UNC13B: variants seen among roughly 807,000 people sequenced by gnomAD.
UNC13B encodes the protein unc-13 homolog B.
In UNC13B, 144 loss-of-function variants were observed where a neutral mutation model predicts 211.0. The ratio of observed to expected loss-of-function variants is 0.68; its 90% CI spans 0.60 to 0.78. UNC13B has a LOEUF of 0.78. Ranked by LOEUF, UNC13B falls within the 30% of genes least tolerant of loss-of-function variation. The pLI, the probability that UNC13B is intolerant of heterozygous loss-of-function variation, is 0.00. For missense variants in UNC13B, 1,777 were observed against 2,002.0 expected (o/e 0.89, Z 2.14); for synonymous variants, 709 against 725.8 (o/e 0.98, Z 0.37).
intron 6 of UNC13B, among the ~76,000 whole-genome samples, chr9:35,245,888 A>G (rs903165841): frequency 2.0e-5 from 3 of 152,166 alleles, no homozygotes; most frequent in African/African-American, 7.2e-5. Flanking sequence ...GCTGAGTCAG[A>G]TGGTATTTCT....
rs759416101 is a variant in UNC13B at position 35,386,233 on chromosome 9, C to T, written c.11034C>T (p.Asn3678=). The T allele has an allele frequency of 1.2e-6, 2 of 1,614,208 alleles. No homozygotes were observed. The highest frequency in any genetic ancestry group is 2.2e-5 in the East Asian group (1 of 44,886). ...VVKDCVKACL[N]STYEYIFNNC... ...AGGATTGTGTGAAGGCCTGTTTGAA[C>T]TCCACATATGAATATATCTTCAACA... The change falls in exon 24 of 40, where the codon AAC becomes AAT. Residue 3678 remains asparagine (N), a synonymous_variant. Transcript: ENST00000635942.
intron 11 of UNC13B, among the ~76,000 whole-genome samples, chr9:35,314,418 C>T (rs1036192063): frequency 6.6e-6 from 1 of 152,096 alleles, no homozygotes; most frequent in Non-Finnish European, 1.5e-5. Context: ...AAAGTATCAG[C>T]ACACTAAGAT....
In UNC13B at chr9:35,222,565, G is replaced by C. The variant is rs530011967; in HGVS notation, c.23-5450G>C. Among the ~76,000 whole-genome samples, 5 of 152,220 alleles carry C rather than the reference G, an allele frequency of 3.3e-5. No homozygotes were observed. In the East Asian group the frequency reaches 5.8e-4, roughly 18 times the overall value. On this transcript the variant is annotated intron_variant, in intron 1 of 39. Transcript: ENST00000635942. ...ATACCATCTTTTGGGGGCCAGATGGGAAGGCCATTTTTTGGATACATAATA... is the reference window on the plus strand; with the variant it reads ...ATACCATCTTTTGGGGGCCAGATGGCAAGGCCATTTTTTGGATACATAATA...
chr9:35,330,565 G>C (rs1831314085), intron 11 of UNC13B, among the ~76,000 whole-genome samples: 1 of 152,210 alleles, frequency 6.6e-6, no homozygotes, highest in Non-Finnish European at 1.5e-5. Context: ...GACCACCAAA[G>C]AAGAGGAAGA....
At chr9:35,381,046 A>G (rs1834794741) in intron 18 of UNC13B, 54 bp from the exon 19 acceptor site, 10 of 1,549,362 alleles carry the variant, frequency 6.5e-6, no homozygotes, top group Middle Eastern at 1.7e-4. Context: ...GAATGGAACT[A>G]TCTATGCTGT....
intron 7 of UNC13B, among the ~76,000 whole-genome samples, chr9:35,276,305 C>CA (rs35634253): frequency 0.32 from 26,782 of 83,704 alleles, 3,175 homozygotes; most frequent in Non-Finnish European, 0.37. Context: ...GAGCCTGTCT[C>CA]AAAAAAAAAA....
rs1476804189 is a variant in UNC13B, at chr9:35,303,328, T to C, written c.3924T>C (p.Ala1308=). The C allele has an allele frequency of 5.0e-6, 2 of 398,562 alleles. No individual in the cohort carries two copies. The highest frequency in any genetic ancestry group is 4.4e-6 in the Non-Finnish European group (1 of 225,824). 24.7% of individuals were successfully genotyped at this position (398,562 alleles called of 1,614,324 possible). A position where few individuals can be genotyped will look rare whatever the true frequency, so the allele number is the denominator to read the frequency against. Residue 1308 remains alanine (A), a synonymous_variant, in exon 9 of 40, where the codon GCT becomes GCC. Coordinates refer to ENST00000635942, the MANE Select transcript of UNC13B (RefSeq NM_001371189.2). ...AQLGFLEKSM[A]KRQMPNHVLE... ...TAGGTTTTTTGGAGAAATCTATGGCTAAGAGGCAAATGCCAAACCATGTTC... is the reference window on the plus strand; with the variant it reads ...TAGGTTTTTTGGAGAAATCTATGGCCAAGAGGCAAATGCCAAACCATGTTC...
intron 1 of UNC13B, among the ~76,000 whole-genome samples, chr9:35,217,398 T>G (rs1332473880): frequency 7.0e-6 from 1 of 143,154 alleles, no homozygotes; most frequent in African/African-American, 2.8e-5. Context: ...TTTTTTTTGT[T>G]TTTTTTTTTT....
intron 29 of UNC13B, 24 bp downstream of exon 29, chr9:35,397,334 CT>C: frequency 6.2e-7 from 1 of 1,610,616 alleles, no homozygotes; most frequent in Non-Finnish European, 8.5e-7. Flanking sequence ...TTCCTACTCC[CT>C]CCCCCTTACC....
chr9:35,391,207 C>G (rs1186110392), intron 26 of UNC13B, among the ~76,000 whole-genome samples: 1 of 152,188 alleles, frequency 6.6e-6, no homozygotes, highest in Non-Finnish European at 1.5e-5. Flanking sequence ...AGAGCAGGGC[C>G]ACAGGCAAAT....
intron 11 of UNC13B, chr9:35,353,949 A>T: frequency 2.1e-6 from 1 of 470,422 alleles, no homozygotes; most frequent in Non-Finnish European, 3.4e-6. Flanking sequence ...AAATTACTCA[A>T]GTAGAGAGCT....
chr9:35,326,889 G>A (rs762534686), intron 11 of UNC13B, among the ~76,000 whole-genome samples: 35 of 152,184 alleles, frequency 2.3e-4, no homozygotes, highest in Admixed American at 5.2e-4. Flanking sequence ...CAAATCCTCC[G>A]CTCATTTTTA....
At chr9:35,335,248 A>G (rs186723726) in intron 11 of UNC13B, among the ~76,000 whole-genome samples, 1 of 152,334 alleles carries the variant, frequency 6.6e-6, no homozygotes, top group East Asian at 1.9e-4. Context: ...TGGCCAAGAA[A>G]TAAAATAACA....
At chr9:35,290,331 C>T (rs981529920) in intron 7 of UNC13B, among the ~76,000 whole-genome samples, 2 of 151,616 alleles carry the variant, frequency 1.3e-5, no homozygotes, top group African/African-American at 2.4e-5. Flanking sequence ...CATTTAGGAG[C>T]TCATATGTCT....
At chr9:35,344,796 T>G (rs1389451349) in intron 11 of UNC13B, among the ~76,000 whole-genome samples, 1 of 152,138 alleles carries the variant, frequency 6.6e-6, no homozygotes, top group Non-Finnish European at 1.5e-5. Context: ...TAGATCACAA[T>G]GTAGTGTGAG....
intron 7 of UNC13B, among the ~76,000 whole-genome samples, chr9:35,268,597 C>CTGGA (rs1455399670): frequency 6.6e-6 from 1 of 152,044 alleles, no homozygotes; most frequent in Non-Finnish European, 1.5e-5. Flanking sequence ...CCAGCCTGGG[C>CTGGA]GACAGAGCGA....
In UNC13B at chr9:35,384,668, A is replaced by G. The variant is rs989662601; in HGVS notation, c.10875+354A>G. On this transcript the variant is annotated intron_variant, in intron 22 of 39. Transcript: ENST00000635942. The stretch of plus-strand genomic sequence containing the variant: ...ATACCTAATTACATTTCTTTTTTGC[A>G]TTTTTCCATACTCTCCTCGTTTTCC... 3 of 984,986 alleles carry G rather than the reference A, an allele frequency of 3.0e-6. No individual in the cohort carries two copies. In the African/African-American group the frequency reaches 5.3e-5, roughly 17 times the overall value. The allele number at this position is 984,986 out of a possible 1,614,324, so 61.0% of individuals were successfully genotyped here.
chr9:35,290,922 A>G, intron 7 of UNC13B: 1 of 719,468 alleles, frequency 1.4e-6, no homozygotes, highest in Non-Finnish European at 2.3e-6. Context: ...CAGAAACTCT[A>G]TGTTATGTAA....
chr9:35,290,251 A>G (rs981636463), intron 7 of UNC13B, among the ~76,000 whole-genome samples: 12 of 152,070 alleles, frequency 7.9e-5, no homozygotes, highest in African/African-American at 2.4e-4. Flanking sequence ...TAAGGACCCA[A>G]TAGGCTAGAG....
Sources: allele counts gnomAD v4.1 joint callset (sites outside exome capture counted in the v4.1 genomes callset), GRCh38; gene constraint gnomAD v4.1.1; transcripts MANE v1.5; gene names NCBI Gene and HGNC (gene_info 2026-07-23, HGNC 2026-07-21).